IPO5: variants seen among roughly 807,000 people sequenced by gnomAD.
IPO5 encodes importin 5, also known as importin-5.
Under a neutral mutation model 143.3 loss-of-function variants are expected in IPO5, and 18 were observed. The observed-to-expected ratio is 0.13, with a 90% CI of 0.09 to 0.19. IPO5 has a LOEUF of 0.19. Ranked by LOEUF, IPO5 falls within the 10% of genes least tolerant of loss-of-function variation. The pLI is 1.00. For missense variants in IPO5, 1,013 were observed against 1,336.9 expected (o/e 0.76, Z 3.78); for synonymous variants, 477 against 465.7 (o/e 1.02, Z -0.31).
intron 21 of IPO5, 27 bp downstream of exon 21, chr13:98,012,369 C>A (rs1361826235): frequency 7.9e-7 from 1 of 1,273,588 alleles, no homozygotes; most frequent in Non-Finnish European, 1.2e-6. Flanking sequence ...GAATACAAAA[C>A]ATGTCTAGAT....
intron 2 of IPO5, among the ~76,000 whole-genome samples, chr13:97,961,830 T>A (rs1884909968): frequency 6.6e-6 from 1 of 152,184 alleles, no homozygotes; most frequent in Non-Finnish European, 1.5e-5. Context: ...AAGTCCCTTA[T>A]AAGACATATG....
rs7336960 is a variant in IPO5 at position 97,965,189 on chromosome 13, G to A, written c.-112-4534G>A. Among the ~76,000 whole-genome samples, 12 of 152,186 alleles carry A rather than the reference G, an allele frequency of 7.9e-5. 1 individual carries two copies. In the South Asian group the frequency reaches 2.1e-3, roughly 26 times the overall value. On this transcript the variant is annotated intron_variant, in intron 2 of 28. Transcript: ENST00000651721. ...GGAACATCACACACCAGGGCCTGTCGGGGGGTGGGGGACAAGGGAAGGGAG... is the reference window on the plus strand; with the variant it reads ...GGAACATCACACACCAGGGCCTGTCAGGGGGTGGGGGACAAGGGAAGGGAG...
At chr13:98,015,464 G>A in intron 22 of IPO5, 66 bp from the exon 23 acceptor site, 2 of 803,668 alleles carry the variant, frequency 2.5e-6, no homozygotes, top group South Asian at 3.2e-5. Flanking sequence ...ATTCTTAGTG[G>A]AGTTTAACTT....
At chr13:97,962,700 T>A (rs749299665) in intron 2 of IPO5, among the ~76,000 whole-genome samples, 2 of 151,796 alleles carry the variant, frequency 1.3e-5, no homozygotes, top group Non-Finnish European at 2.9e-5. Flanking sequence ...ACATCCGTAG[T>A]CCCAGCTGCT....
In IPO5 at chr13:97,976,708, C is replaced by A. The variant is rs1263387229; in HGVS notation, c.12C>A (p.Ala4=). Residue 4 remains alanine, a synonymous_variant, in exon 4 of 29, where the codon GCC becomes GCA. Coordinates refer to ENST00000651721, the MANE Select transcript of IPO5 (RefSeq NM_002271.6). ...TCACGCCTAGCGCAATGGCGGCGGC[C>A]GCGGCGGAGCAGCAACAGTTCTACC... The part of the protein sequence containing the change: MAA[A]AAEQQQFYLL... 1 of 1,391,172 alleles carries A rather than the reference C, an allele frequency of 7.2e-7. No individual in the cohort carries two copies. Among genetic ancestry groups the A allele is most frequent in the Non-Finnish European group, 9.6e-7 (1 of 1,046,890 alleles). The allele number at this position is 1,391,172 out of a possible 1,614,324, so 86.2% of individuals were successfully genotyped here.
intron 3 of IPO5, chr13:97,975,816 C>G (rs953592200): frequency 9.4e-6 from 5 of 531,420 alleles, no homozygotes; most frequent in Non-Finnish European, 1.2e-5. Flanking sequence ...CGTGTACATC[C>G]GAAGACGACC....
chr13:98,022,731 T>C lies in IPO5; in HGVS notation c.*909T>C, dbSNP rs901854809. The C allele has an allele frequency of 1.3e-5, 2 of 152,256 alleles. No individual in the cohort carries two copies. The highest frequency in any genetic ancestry group is 4.8e-5 in the African/African-American group (2 of 41,460). 9.4% of individuals were successfully genotyped at this position (152,256 alleles called of 1,614,324 possible). A position where few individuals can be genotyped will look rare whatever the true frequency, so the allele number is the denominator to read the frequency against. ...TTTAAGGTTTGCAAATTTCAGCCAA[T>C]TTTGTAGCTAAGATTGTTCTGATCA... On this transcript the variant is annotated 3_prime_UTR_variant, in exon 29 of 29. Coordinates refer to ENST00000651721, the MANE Select transcript of IPO5 (RefSeq NM_002271.6).
intron 4 of IPO5, among the ~76,000 whole-genome samples, chr13:97,980,928 G>A (rs1288976175): frequency 6.6e-6 from 1 of 151,830 alleles, no homozygotes; most frequent in East Asian, 1.9e-4. Flanking sequence ...TGGCTAAGCT[G>A]GGTGCTTTTT....
intron 5 of IPO5, 62 bp downstream of exon 5, chr13:97,982,645 T>C (rs1886951172): frequency 2.0e-6 from 2 of 1,019,462 alleles, no homozygotes; most frequent in Non-Finnish European, 3.0e-6. Context: ...ATGATGATCA[T>C]AGTAGAAATT....
chr13:97,985,082 G>C, intron 5 of IPO5, among the ~76,000 whole-genome samples: 1 of 152,294 alleles, frequency 6.6e-6, no homozygotes, highest in Admixed American at 6.5e-5. Context: ...ACCAGACAGA[G>C]AGGTAGGAAA....
At chr13:98,020,417 A>G (rs1458531358) in intron 27 of IPO5, among the ~76,000 whole-genome samples, 2 of 152,246 alleles carry the variant, frequency 1.3e-5, no homozygotes, top group Non-Finnish European at 2.9e-5. Flanking sequence ...TGAGTCTTCC[A>G]CTGACCATAT....
intron 9 of IPO5, among the ~76,000 whole-genome samples, chr13:97,991,045 C>G (rs542217796): frequency 2.4e-4 from 36 of 152,160 alleles, no homozygotes; most frequent in African/African-American, 8.7e-4. Flanking sequence ...TGAATCTATG[C>G]TCCTGGGGAA....
chr13:97,992,465 A>G (rs1887884683), intron 9 of IPO5, among the ~76,000 whole-genome samples: 1 of 152,204 alleles, frequency 6.6e-6, no homozygotes, highest in African/African-American at 2.4e-5. Flanking sequence ...TGTCCTGGCT[A>G]CTCAGGAGTC....
intron 11 of IPO5, among the ~76,000 whole-genome samples, chr13:97,995,164 ATTCT>A (rs1186279205): frequency 9.6e-5 from 14 of 145,270 alleles, no homozygotes; most frequent in Admixed American, 2.1e-4. Flanking sequence ...TCTTTCTTTC[ATTCT>A]TTCTTTCTTT....
chr13:97,968,122 C>T (rs1404154448), intron 2 of IPO5, among the ~76,000 whole-genome samples: 1 of 152,138 alleles, frequency 6.6e-6, no homozygotes, highest in Non-Finnish European at 1.5e-5. Context: ...CGTGCCAAGC[C>T]ATCTTGTGAT....
chr13:98,006,805 C>T (rs1465318025), intron 17 of IPO5, among the ~76,000 whole-genome samples: 3 of 150,798 alleles, frequency 2.0e-5, no homozygotes, highest in African/African-American at 4.9e-5. Flanking sequence ...TTTCACATTG[C>T]TCCTGTTTTA....
chr13:98,016,649 G>C, intron 24 of IPO5, 80 bp from the exon 25 acceptor site: 1 of 752,504 alleles, frequency 1.3e-6, no homozygotes, highest in Non-Finnish European at 1.9e-6. Context: ...CATTTTTTAA[G>C]GTTTTTATAA....
chr13:97,971,463 G>A (rs913852462), intron 3 of IPO5, among the ~76,000 whole-genome samples: 10 of 152,100 alleles, frequency 6.6e-5, no homozygotes, highest in African/African-American at 2.2e-4. Flanking sequence ...TCTTATCTAG[G>A]CAACAGAAAA....
rs1886373017 is a variant in IPO5, at chr13:97,976,729, C to T, written c.33C>T (p.Phe11=). MAAAAAEQQQ[F]YLLLGNLLSP... ...CGGCCGCGGCGGAGCAGCAACAGTT[C>T]TACCTGCTCCTGGGAAACCTGCTCA... is the stretch of plus-strand genomic sequence containing the variant. The change falls in exon 4 of 29, where the codon TTC becomes TTT. Residue 11 remains phenylalanine, a synonymous_variant. Transcript: ENST00000651721. The T allele has an allele frequency of 7.1e-7, 1 of 1,413,788 alleles. No individual in the cohort carries two copies. Among genetic ancestry groups the T allele is most frequent in the African/African-American group, 1.5e-5 (1 of 65,970 alleles). The allele number at this position is 1,413,788 out of a possible 1,614,324, so 87.6% of individuals were successfully genotyped here. A position where few individuals can be genotyped will look rare whatever the true frequency, so the allele number is the denominator to read the frequency against.
Sources: gnomAD v4.1 joint callset for allele counts (sites outside exome capture counted in the v4.1 genomes callset) on GRCh38, gnomAD v4.1.1 for gene constraint, MANE v1.5 for transcripts, NCBI Gene and HGNC (gene_info 2026-07-23, HGNC 2026-07-21) for gene names.